The following SPATA16 variants were observed in gnomAD, a reference collection of about 807,000 sequenced individuals.
SPATA16 encodes spermatogenesis associated 16.
Under a neutral mutation model 63.3 loss-of-function variants are expected in SPATA16, and 36 were observed. The ratio of observed to expected loss-of-function variants is 0.57; its 90% CI spans 0.44 to 0.75. The LOEUF is 0.75. Among genes scored for constraint, SPATA16 ranks in the 30% least tolerant of loss-of-function variants. SPATA16 has a pLI of 0.00. For synonymous variants in SPATA16, 203 were observed against 216.7 expected, an observed-to-expected ratio of 0.94 and a Z score of 0.56; for missense variants, 646 against 679.3, an observed-to-expected ratio of 0.95 and a Z score of 0.54.
chr3:172,946,214 G>A (rs1577100598), intron 6 of SPATA16, among the ~76,000 whole-genome samples: 1 of 152,182 alleles, frequency 6.6e-6, no homozygotes, highest in Admixed American at 6.5e-5. Context: ...AGTACCCAGG[G>A]AGTACTCACC....
chr3:172,998,984 T>C (rs772608440), intron 4 of SPATA16, among the ~76,000 whole-genome samples: 1 of 152,172 alleles, frequency 6.6e-6, no homozygotes, highest in Non-Finnish European at 1.5e-5. Context: ...TAAGAGATAC[T>C]GGTAGGCAAT....
intron 3 of SPATA16, among the ~76,000 whole-genome samples, chr3:173,042,660 T>G (rs2108290524): frequency 6.6e-6 from 1 of 152,334 alleles, no homozygotes; most frequent in Admixed American, 6.5e-5. Context: ...TTGAGCATTT[T>G]ACTTATATTT....
intron 2 of SPATA16, among the ~76,000 whole-genome samples, chr3:173,060,896 C>T (rs568211453): frequency 6.6e-6 from 1 of 152,244 alleles, no homozygotes; most frequent in African/African-American, 2.4e-5. Context: ...TTTAATGCTT[C>T]CATTTTTTTC....
chr3:173,088,007 CGTCTTTCTTTCTTTCT>C (rs1448537583), intron 2 of SPATA16, among the ~76,000 whole-genome samples: 1,403 of 118,324 alleles, frequency 0.012, 64 homozygotes, highest in African/African-American at 0.04. Context: ...ATTTTCTTTC[CGTCTTTCTTTCTTTCT>C]TTCTTTCTTT....
At chr3:173,077,875 C>T (rs1736843155) in intron 2 of SPATA16, among the ~76,000 whole-genome samples, 1 of 152,156 alleles carries the variant, frequency 6.6e-6, no homozygotes, top group Non-Finnish European at 1.5e-5. Context: ...CTATTTGCTA[C>T]TGAGAGGCAG....
At chr3:172,975,143 A>G (rs1030693563) in intron 5 of SPATA16, among the ~76,000 whole-genome samples, 4 of 152,102 alleles carry the variant, frequency 2.6e-5, no homozygotes, top group Non-Finnish European at 5.9e-5. Flanking sequence ...ATTTTTTCGC[A>G]TCAGATGGAT....
intron 3 of SPATA16, among the ~76,000 whole-genome samples, chr3:173,036,777 T>C (rs957751491): frequency 1.3e-5 from 2 of 152,046 alleles, no homozygotes; most frequent in Non-Finnish European, 2.9e-5. Context: ...CAGGATCAGA[T>C]ATGAGAACTC....
intron 10 of SPATA16, among the ~76,000 whole-genome samples, chr3:172,896,294 C>G (rs1560059873): frequency 6.6e-6 from 1 of 152,286 alleles, no homozygotes; most frequent in East Asian, 1.9e-4. Context: ...GATCTCGGCT[C>G]ACTGCAAGCT....
At chr3:173,016,354 TA>T (rs1351146816) in intron 4 of SPATA16, among the ~76,000 whole-genome samples, 1 of 152,224 alleles carries the variant, frequency 6.6e-6, no homozygotes, top group African/African-American at 2.4e-5. Context: ...TTGGGCTTTT[TA>T]AATGAGGCTG....
At chr3:173,109,993 C>T (rs1196398170) in intron 2 of SPATA16, among the ~76,000 whole-genome samples, 1 of 151,554 alleles carries the variant, frequency 6.6e-6, no homozygotes, top group Admixed American at 6.6e-5. Flanking sequence ...TATAATTAAA[C>T]ACACTGATTA....
chr3:172,959,480 A>G (rs767682490), intron 5 of SPATA16, among the ~76,000 whole-genome samples: 12 of 152,294 alleles, frequency 7.9e-5, no homozygotes, highest in Non-Finnish European at 1.3e-4. Flanking sequence ...GGGTTCTTCC[A>G]TGGATTCTGC....
intron 6 of SPATA16, among the ~76,000 whole-genome samples, chr3:172,939,610 A>G (rs1343624187): frequency 6.6e-6 from 1 of 152,218 alleles, no homozygotes; most frequent in East Asian, 1.9e-4. Flanking sequence ...CCTAACACAG[A>G]CTACGATTAC....
chr3:173,027,391 T>C (rs1332348707), intron 3 of SPATA16, among the ~76,000 whole-genome samples: 1 of 152,040 alleles, frequency 6.6e-6, no homozygotes, highest in Non-Finnish European at 1.5e-5. Flanking sequence ...CTTTCCAGCC[T>C]ATAACATTTG....
chr3:173,127,089 T>G (rs1002011011), intron 1 of SPATA16, among the ~76,000 whole-genome samples: 1 of 152,222 alleles, frequency 6.6e-6, no homozygotes, highest in Non-Finnish European at 1.5e-5. Context: ...TACAGAAAAG[T>G]TGTACGAATA....
intron 6 of SPATA16, among the ~76,000 whole-genome samples, chr3:172,947,767 G>A (rs1733327786): frequency 2.0e-5 from 3 of 152,116 alleles, no homozygotes; most frequent in South Asian, 4.2e-4. Context: ...ATCACTCACC[G>A]GGGCCTGTCG....
Position 173,047,204 on chromosome 3 carries a change from C to CT in SPATA16, c.758+1744dup, listed in dbSNP as rs563129322. ...AATTTTTGATCTTTCGTTCTCATTACTTTTTTTTTTTTTACTGAATTCTTG... is the reference window on the plus strand; with the variant it reads ...AATTTTTGATCTTTCGTTCTCATTACTTTTTTTTTTTTTTACTGAATTCTTG... On this transcript the variant is annotated intron_variant, in intron 3 of 10. Transcript: ENST00000351008. Among the ~76,000 whole-genome samples the CT allele has an allele frequency of 3.7e-3, 528 of 142,780 alleles. 3 individuals are homozygous for CT. Among genetic ancestry groups the CT allele is most frequent in the African/African-American group, 3.8e-3 (149 of 39,576 alleles). 93.7% of individuals were successfully genotyped at this position (142,780 alleles called of 152,430 possible).
intron 3 of SPATA16, among the ~76,000 whole-genome samples, chr3:173,036,813 G>T (rs1735723146): frequency 6.6e-6 from 1 of 151,874 alleles, no homozygotes; most frequent in Admixed American, 6.6e-5. Context: ...AATCACTCTT[G>T]CAAAATGTCA....
intron 3 of SPATA16, among the ~76,000 whole-genome samples, chr3:173,029,652 C>T (rs961363422): frequency 6.6e-6 from 1 of 152,004 alleles, no homozygotes; most frequent in South Asian, 2.1e-4. Context: ...CTTGTCTTTC[C>T]TTCTAAGGCT....
At chr3:173,060,688 T>A (rs1736358386) in intron 2 of SPATA16, among the ~76,000 whole-genome samples, 1 of 152,224 alleles carries the variant, frequency 6.6e-6, no homozygotes, top group Admixed American at 6.5e-5. Context: ...AAAGATCTAG[T>A]GATTTGCCCC....
Sources: gnomAD v4.1 joint callset for allele counts (sites outside exome capture counted in the v4.1 genomes callset) on GRCh38, gnomAD v4.1.1 for gene constraint, MANE v1.5 for transcripts, NCBI Gene and HGNC (gene_info 2026-07-23, HGNC 2026-07-21) for gene names.